The following AIF1L variants were observed in gnomAD, a reference collection of about 807,000 sequenced individuals.
The protein encoded by AIF1L is allograft inflammatory factor 1-like.
In AIF1L, 12 loss-of-function variants were observed where a neutral mutation model predicts 20.7. That is an observed-to-expected ratio of 0.58 (90% CI 0.37 to 0.94). The LOEUF (loss-of-function observed/expected upper bound fraction) is 0.94. Ranked by LOEUF, AIF1L falls within the 40% of genes least tolerant of loss-of-function variation. AIF1L has a pLI of 0.01. For missense variants in AIF1L, 173 were observed against 185.3 expected (o/e 0.93, Z 0.39); for synonymous variants, 76 against 65.1 (o/e 1.17, Z -0.81).
At position 131,120,442 on chromosome 9, in the gene AIF1L, T is replaced by C; in HGVS notation, c.*120T>C. 5 of 854,178 alleles carry C rather than the reference T, an allele frequency of 5.9e-6. No homozygotes were observed. Among genetic ancestry groups the C allele is most frequent in the Non-Finnish European group, 7.1e-6 (4 of 563,242 alleles). 52.9% of individuals were successfully genotyped at this position (854,178 alleles called of 1,614,324 possible). ...TGTTTGGTCATTGAGGGTTTGTTTG[T>C]GTTTTCATCAATGTCTTTGTAAAGC... On this transcript the variant is annotated 3_prime_UTR_variant, in exon 6 of 6. Coordinates refer to ENST00000247291, the MANE Select transcript of AIF1L (RefSeq NM_031426.4).
chr9:131,097,274 C>G (rs1407179809), intron 2 of AIF1L, among the ~76,000 whole-genome samples: 1 of 152,230 alleles, frequency 6.6e-6, no homozygotes, highest in African/African-American at 2.4e-5. Context: ...GGCTGGAGTT[C>G]GGTGGCCCAA....
chr9:131,096,849 G>A lies in AIF1L; in HGVS notation c.79G>A (p.Ala27Thr), dbSNP rs775541845. ...CAAAGCCCGGCAGGAGAGGAGGCTG[G>A]CCGAGATCAACCGGGTAAGCCCCGC... ...LLKARQERRLAEINREFLCDQ... is the reference protein window; with the variant it reads ...LLKARQERRLTEINREFLCDQ... The change falls in exon 2 of 6, where the codon GCC (alanine) becomes ACC (threonine). Residue 27 changes from alanine (A) to threonine (T), a missense_variant. Ala to Thr is a moderately conservative substitution (Grantham distance 58). Transcript: ENST00000247291. The A allele has an allele frequency of 1.3e-6, 2 of 1,537,488 alleles. No homozygotes were observed. Among genetic ancestry groups the A allele is most frequent in the South Asian group, 2.4e-5 (2 of 82,732 alleles).
At chr9:131,098,630 T>TG (rs1393645441) in intron 2 of AIF1L, among the ~76,000 whole-genome samples, 4 of 147,236 alleles carry the variant, frequency 2.7e-5, no homozygotes, top group Non-Finnish European at 4.5e-5. Flanking sequence ...GGAGGTGGGT[T>TG]GGGGGAGGGG....
chr9:131,111,208 A>G (rs2133392266), intron 2 of AIF1L, among the ~76,000 whole-genome samples: 1 of 149,834 alleles, frequency 6.7e-6, no homozygotes, highest in Admixed American at 6.6e-5. Flanking sequence ...GGAGGAATGA[A>G]TGAGCTCAGG....
At chr9:131,097,587 T>G (rs1381661386) in intron 2 of AIF1L, among the ~76,000 whole-genome samples, 5 of 152,230 alleles carry the variant, frequency 3.3e-5, no homozygotes, top group Non-Finnish European at 5.9e-5. Flanking sequence ...AAAGAAATCT[T>G]TCCTGTTGTT....
At chr9:131,111,982 G>A (rs1331553463) in intron 3 of AIF1L, 8 of 375,576 alleles carry the variant, frequency 2.1e-5, no homozygotes, top group South Asian at 6.2e-5. Flanking sequence ...CGTCACTCCC[G>A]GGCCCCGCAC....
intron 2 of AIF1L, among the ~76,000 whole-genome samples, chr9:131,098,903 G>A (rs967105255): frequency 6.6e-6 from 1 of 152,162 alleles, no homozygotes; most frequent in African/African-American, 2.4e-5. Context: ...CAGCCCAGCC[G>A]CTGTAGGGCT....
chr9:131,113,307 G>C (rs958168643), intron 3 of AIF1L, among the ~76,000 whole-genome samples: 2 of 151,898 alleles, frequency 1.3e-5, no homozygotes, highest in African/African-American at 4.8e-5. Context: ...AGACCAGCCC[G>C]GCCAACATGG....
At chr9:131,111,335 G>A in intron 2 of AIF1L, 1 of 422,060 alleles carries the variant, frequency 2.4e-6, no homozygotes, top group South Asian at 4.2e-5. Flanking sequence ...CATTGGTAAT[G>A]TAGCTGCTGG....
chr9:131,118,997 C>A (rs1033974381), intron 5 of AIF1L, among the ~76,000 whole-genome samples: 1 of 152,206 alleles, frequency 6.6e-6, no homozygotes, highest in African/African-American at 2.4e-5. Flanking sequence ...CTTAGGTCTG[C>A]GAGTCTCAGT....
chr9:131,099,808 C>T (rs1158543605), intron 2 of AIF1L, among the ~76,000 whole-genome samples: 1 of 151,234 alleles, frequency 6.6e-6, no homozygotes, highest in Non-Finnish European at 1.5e-5. Context: ...TTCACTGCAA[C>T]CTCCGCCTCT....
chr9:131,098,157 T>C (rs1319236996), intron 2 of AIF1L: 1 of 152,322 alleles, frequency 6.6e-6, no homozygotes, highest in Admixed American at 6.5e-5. Flanking sequence ...CTTGGACTGC[T>C]TGGATGTAGG....
intron 3 of AIF1L, 134 bp downstream of exon 3, chr9:131,111,797 A>G: frequency 1.1e-6 from 1 of 937,040 alleles, no homozygotes. Flanking sequence ...TTCTTCCTGG[A>G]GAAGGCTTGG....
intron 2 of AIF1L, among the ~76,000 whole-genome samples, chr9:131,101,231 G>T (rs1393037218): frequency 3.3e-5 from 5 of 152,130 alleles, no homozygotes; most frequent in East Asian, 3.9e-4. Flanking sequence ...ACGAGCTGTG[G>T]CTGTGCTCCA....
chr9:131,098,615 C>T (rs1006259236), intron 2 of AIF1L, among the ~76,000 whole-genome samples: 9 of 151,190 alleles, frequency 6.0e-5, no homozygotes, highest in Non-Finnish European at 1.2e-4. Context: ...CAACCTAGCC[C>T]TTGGGGAGGT....
intron 2 of AIF1L, among the ~76,000 whole-genome samples, chr9:131,108,988 T>C (rs1830813685): frequency 6.6e-6 from 1 of 152,210 alleles, no homozygotes. Flanking sequence ...TTCTCTGTCC[T>C]AAGAGATATG....
chr9:131,099,338 A>G (rs1267684508), intron 2 of AIF1L, among the ~76,000 whole-genome samples: 1 of 152,198 alleles, frequency 6.6e-6, no homozygotes, highest in Non-Finnish European at 1.5e-5. Flanking sequence ...ATGGAAGTGG[A>G]TGGAAGCTCT....
At chr9:131,100,946 G>A (rs562128549) in intron 2 of AIF1L, among the ~76,000 whole-genome samples, 20 of 152,272 alleles carry the variant, frequency 1.3e-4, no homozygotes, top group African/African-American at 4.8e-4. Context: ...CACCCAGGGT[G>A]GAGTGCAGTG....
At chr9:131,102,677 C>T (rs1360822120) in intron 2 of AIF1L, among the ~76,000 whole-genome samples, 3 of 152,194 alleles carry the variant, frequency 2.0e-5, no homozygotes, top group Non-Finnish European at 4.4e-5. Flanking sequence ...CTGAATGAGG[C>T]CCAGGGCTGC....
Sources: allele counts gnomAD v4.1 joint callset (sites outside exome capture counted in the v4.1 genomes callset), GRCh38; gene constraint gnomAD v4.1.1; transcripts MANE v1.5; gene names NCBI Gene and HGNC (gene_info 2026-07-23, HGNC 2026-07-21).